RTL4: variants seen among roughly 807,000 people sequenced by gnomAD.
RTL4 encodes the protein retrotransposon Gag-like protein 4.
RTL4 carries 4 observed loss-of-function variants against 5.3 expected under a neutral mutation model. The observed-to-expected ratio is 0.75, with a 90% confidence interval of 0.37 to 1.72. The LOEUF is 1.72. Among genes scored for constraint, RTL4 ranks in the 40% most tolerant of loss-of-function variants. The pLI is 0.04. For synonymous variants in RTL4, 98 were observed against 87.3 expected, an observed-to-expected ratio of 1.12 and a Z score of -0.68; for missense variants, 260 against 227.1, an observed-to-expected ratio of 1.14 and a Z score of -0.93.
chrX:112,438,023 T>G, the RTL4 span, among the ~76,000 whole-genome samples: 2 of 111,462 alleles, frequency 1.8e-5, no homozygotes, highest in African/African-American at 6.5e-5. Flanking sequence ...TAAAGATGAC[T>G]TCTGTCTTTG....
At chrX:112,115,126 CCCA>C in the RTL4 span, among the ~76,000 whole-genome samples, 1 of 110,922 alleles carries the variant, frequency 9.0e-6, no homozygotes, top group Admixed American at 9.6e-5. Context: ...TTGTTTTTCC[CCCA>C]CCACCCAAGA....
At chrX:112,403,384 C>CT in the RTL4 span, among the ~76,000 whole-genome samples, 4 of 112,066 alleles carry the variant, frequency 3.6e-5, no homozygotes, top group Non-Finnish European at 7.5e-5. Flanking sequence ...TTGGTCATCT[C>CT]TTTTTTCACA....
the RTL4 span, among the ~76,000 whole-genome samples, chrX:112,115,197 G>A: frequency 2.7e-5 from 3 of 111,257 alleles, no homozygotes; most frequent in African/African-American, 6.5e-5. Context: ...TGACACAGCA[G>A]CAGAAACCCC....
the RTL4 span, among the ~76,000 whole-genome samples, chrX:112,409,140 G>C: frequency 1.8e-5 from 2 of 112,204 alleles, no homozygotes; most frequent in Admixed American, 1.9e-4. Flanking sequence ...TTATAACACT[G>C]TATCTGTGGT....
At chrX:112,132,982 TAG>T in the RTL4 span, among the ~76,000 whole-genome samples, 3 of 112,397 alleles carry the variant, frequency 2.7e-5, no homozygotes, top group Non-Finnish European at 5.6e-5. Flanking sequence ...AATTTCAAAA[TAG>T]AGTCTTCTTT....
chrX:112,361,391 A>G, the RTL4 span, among the ~76,000 whole-genome samples: 7 of 111,188 alleles, frequency 6.3e-5, no homozygotes, highest in African/African-American at 2.3e-4. Flanking sequence ...ACTGCCTCCT[A>G]ATCTTACCCA....
chrX:112,134,679 A>G, the RTL4 span, among the ~76,000 whole-genome samples: 1 of 112,517 alleles, frequency 8.9e-6, no homozygotes, highest in South Asian at 3.7e-4. Flanking sequence ...AAACATAGCC[A>G]TCAGTCCCCA....
the RTL4 span, among the ~76,000 whole-genome samples, chrX:112,102,532 G>C: frequency 9.0e-6 from 1 of 111,514 alleles, no homozygotes; most frequent in East Asian, 2.8e-4. Context: ...TTATTTCAAA[G>C]AAAGAGAAAT....
At chrX:112,439,850 C>T in the RTL4 span, among the ~76,000 whole-genome samples, 1 of 111,479 alleles carries the variant, frequency 9.0e-6, no homozygotes, top group Non-Finnish European at 1.9e-5. Context: ...TTGGAAGCTT[C>T]CTGGGGCCCT....
chrX:112,251,649 T>A, the RTL4 span, among the ~76,000 whole-genome samples: 2 of 111,127 alleles, frequency 1.8e-5, no homozygotes, highest in Admixed American at 9.7e-5. Context: ...TGTGTGTGTG[T>A]GAGCATGCAT....
the RTL4 span, among the ~76,000 whole-genome samples, chrX:112,196,955 C>A: frequency 9.1e-6 from 1 of 109,901 alleles, no homozygotes; most frequent in Non-Finnish European, 1.9e-5. Flanking sequence ...ATGCTAACAG[C>A]AATGAGGTGA....
the RTL4 span, among the ~76,000 whole-genome samples, chrX:112,395,825 C>G: frequency 9.0e-6 from 1 of 111,338 alleles, no homozygotes; most frequent in Non-Finnish European, 1.9e-5. Context: ...CACCATTTCA[C>G]TAGCATGTCC....
At chrX:112,112,547 T>A in the RTL4 span, among the ~76,000 whole-genome samples, 1 of 112,404 alleles carries the variant, frequency 8.9e-6, no homozygotes, top group Non-Finnish European at 1.9e-5. Context: ...AGATTTGGCC[T>A]AGATATTTGA....
the RTL4 span, among the ~76,000 whole-genome samples, chrX:112,446,179 T>C: frequency 8.9e-6 from 1 of 112,246 alleles, no homozygotes; most frequent in African/African-American, 3.2e-5. Flanking sequence ...TTATTCTGTC[T>C]TCATTAAGGG....
upstream of RTL4, among the ~76,000 whole-genome samples, chrX:112,452,426 T>C (rs1254942445): frequency 9.1e-6 from 1 of 109,473 alleles, no homozygotes; most frequent in African/African-American, 3.3e-5. Context: ...TTAACCCTTA[T>C]TGAAGAACAT....
the RTL4 span, among the ~76,000 whole-genome samples, chrX:112,291,662 T>A: frequency 9.1e-6 from 1 of 109,494 alleles, no homozygotes; most frequent in South Asian, 4.1e-4. Context: ...AGTGGCACCA[T>A]CTCCACTCAT....
the RTL4 span, among the ~76,000 whole-genome samples, chrX:112,331,503 A>C: frequency 9.5e-6 from 1 of 105,261 alleles, no homozygotes; most frequent in African/African-American, 3.4e-5. Flanking sequence ...AAAAGTCAGG[A>C]AACAACAGGT....
At chrX:112,358,829 G>GT in the RTL4 span, among the ~76,000 whole-genome samples, 1 of 111,869 alleles carries the variant, frequency 8.9e-6, no homozygotes, top group African/African-American at 3.2e-5. Flanking sequence ...TTGGTTGAGT[G>GT]TTCATCCTTA....
chrX:112,105,370 G>T, the RTL4 span, among the ~76,000 whole-genome samples: 6 of 111,010 alleles, frequency 5.4e-5, no homozygotes, highest in African/African-American at 2.0e-4. Flanking sequence ...CATTATTCTG[G>T]TTTTTTTGTG....
Sources: gnomAD v4.1 joint callset for allele counts (sites outside exome capture counted in the v4.1 genomes callset) on GRCh38, gnomAD v4.1.1 for gene constraint, MANE v1.5 for transcripts, NCBI Gene and HGNC (gene_info 2026-07-23, HGNC 2026-07-21) for gene names.